The following ARL15 variants were observed in gnomAD, a reference collection of about 807,000 sequenced individuals.
The protein encoded by ARL15 is ADP-ribosylation factor-like protein 15.
ARL15 carries 19 observed loss-of-function variants against 25.2 expected under a neutral mutation model. That is an observed-to-expected ratio of 0.75 (90% CI 0.53 to 1.10). The LOEUF is 1.10. Ranked by LOEUF, ARL15 falls within the 50% of genes least tolerant of loss-of-function variation. The pLI is 0.00. For synonymous variants in ARL15, 94 were observed against 86.8 expected, an observed-to-expected ratio of 1.08 and a Z score of -0.46; for missense variants, 220 against 246.0, an observed-to-expected ratio of 0.89 and a Z score of 0.71.
At chr5:53,932,344 C>A (rs956800929) in intron 4 of ARL15, among the ~76,000 whole-genome samples, 2 of 152,150 alleles carry the variant, frequency 1.3e-5, no homozygotes, top group Non-Finnish European at 2.9e-5. Flanking sequence ...GGAGTGTAAA[C>A]CAAACGGAAC....
At chr5:53,919,216 T>C (rs1745763355) in intron 4 of ARL15, among the ~76,000 whole-genome samples, 1 of 152,220 alleles carries the variant, frequency 6.6e-6, no homozygotes, top group Non-Finnish European at 1.5e-5. Context: ...ATCGTAAGTC[T>C]ACGAGGTGTG....
intron 1 of ARL15, among the ~76,000 whole-genome samples, chr5:54,172,701 T>C (rs1020482728): frequency 5.9e-5 from 9 of 152,184 alleles, no homozygotes; most frequent in African/African-American, 1.9e-4. Flanking sequence ...AAAGCCAACA[T>C]GGCAAAATGT....
intron 1 of ARL15, among the ~76,000 whole-genome samples, chr5:54,180,855 T>G (rs1755035235): frequency 6.6e-6 from 1 of 152,200 alleles, no homozygotes; most frequent in African/African-American, 2.4e-5. Context: ...AGCAGGGGAT[T>G]TCATGCTTAG....
At chr5:54,079,967 TCACACACACA>T (rs58908566) in intron 4 of ARL15, among the ~76,000 whole-genome samples, 7,754 of 124,346 alleles carry the variant, frequency 0.062, 349 homozygotes, top group African/African-American at 0.12. Flanking sequence ...TGAGACTCCG[TCACACACACA>T]CACACACACA....
chr5:53,930,858 G>T (rs1746176574), intron 4 of ARL15, among the ~76,000 whole-genome samples: 1 of 152,198 alleles, frequency 6.6e-6, no homozygotes, highest in African/African-American at 2.4e-5. Flanking sequence ...TGAAATAGAA[G>T]TAGTTTAGCT....
Position 53,960,607 on chromosome 5 carries a change from T to C in ARL15, c.463-73894A>G, listed in dbSNP as rs142480343. ...TGCTGAGTAAAGAGACGTCAAGATG[T>C]TTTGTAAAATAGGTGCCCAAGTTGC... On this transcript the variant is annotated intron_variant, in intron 4 of 4. Coordinates refer to ENST00000504924, the MANE Select transcript of ARL15 (RefSeq NM_019087.3). Among the ~76,000 whole-genome samples, 679 of 152,298 alleles carry C rather than the reference T, an allele frequency of 4.5e-3. 6 individuals are homozygous for C. The highest frequency in any genetic ancestry group is 0.014 in the African/African-American group (567 of 41,564).
intron 4 of ARL15, among the ~76,000 whole-genome samples, chr5:54,099,123 AC>A (rs777292437): frequency 1.3e-5 from 2 of 152,168 alleles, no homozygotes; most frequent in Non-Finnish European, 2.9e-5. Context: ...GTAGGCCTAT[AC>A]CTTGTTTAAT....
At chr5:54,055,154 G>A (rs1750828908) in intron 4 of ARL15, among the ~76,000 whole-genome samples, 1 of 151,868 alleles carries the variant, frequency 6.6e-6, no homozygotes, top group Non-Finnish European at 1.5e-5. Flanking sequence ...CCCATTTCTT[G>A]CCAATCCCTA....
At chr5:54,052,263 T>C (rs1468964080) in intron 4 of ARL15, among the ~76,000 whole-genome samples, 1 of 152,038 alleles carries the variant, frequency 6.6e-6, no homozygotes. Context: ...AACGAATAAA[T>C]CTCAATGTAT....
intron 4 of ARL15, among the ~76,000 whole-genome samples, chr5:53,947,173 T>G (rs1367039455): frequency 1.2e-4 from 7 of 58,654 alleles, no homozygotes; most frequent in Admixed American, 6.2e-4. Context: ...TAAGGGTGTG[T>G]GTGTGTGTGT....
chr5:53,910,636 TATATATATATATATATATATA>T lies in ARL15; in HGVS notation c.463-23944_463-23924del, dbSNP rs1745424723. ...CTTAAAGTATAATAAAAAAAAATTA[TATATATATATATATATATATA>T]TATATATATATATATAAAGAAAACG... On this transcript the variant is annotated intron_variant, in intron 4 of 4. Coordinates refer to ENST00000504924, the MANE Select transcript of ARL15 (RefSeq NM_019087.3). 1.0e-3 allele frequency among the ~76,000 whole-genome samples: 112 copies of T among 109,270 alleles called. 7 individuals carry two copies. Among genetic ancestry groups the T allele is most frequent in the African/African-American group, 3.5e-3 (98 of 28,034 alleles). The allele number at this position is 109,270 out of a possible 152,430, so 71.7% of individuals were successfully genotyped here.
intron 4 of ARL15, among the ~76,000 whole-genome samples, chr5:53,942,484 A>G (rs1746569316): frequency 6.6e-6 from 1 of 152,212 alleles, no homozygotes; most frequent in Admixed American, 6.5e-5. Context: ...GCGGTGGCTC[A>G]TGCCTGTAAT....
chr5:53,990,709 A>T (rs1009018400), intron 4 of ARL15, among the ~76,000 whole-genome samples: 5 of 152,236 alleles, frequency 3.3e-5, no homozygotes, highest in African/African-American at 9.6e-5. Context: ...AAAGCTGGGT[A>T]CAAATAGAAT....
At chr5:54,110,868 A>C (rs1752719298) in intron 4 of ARL15, among the ~76,000 whole-genome samples, 1 of 152,072 alleles carries the variant, frequency 6.6e-6, no homozygotes, top group African/African-American at 2.4e-5. Flanking sequence ...TTTTATGCCA[A>C]CAATAAGGTA....
At chr5:54,117,049 A>T (rs1478227353) in intron 3 of ARL15, among the ~76,000 whole-genome samples, 1 of 152,226 alleles carries the variant, frequency 6.6e-6, no homozygotes. Context: ...CCATCCATAC[A>T]AGTCTCTGAG....
chr5:54,164,044 G>A lies in ARL15; in HGVS notation c.193+7740C>T, dbSNP rs142233305. The stretch of plus-strand genomic sequence containing the variant: ...TGGTATAAACTTTTCTTAAAGTCCC[G>A]TTTTATAGGCACCACAAATTCTAAT... On this transcript the variant is annotated intron_variant, in intron 2 of 4. Coordinates refer to ENST00000504924, the MANE Select transcript of ARL15 (RefSeq NM_019087.3). Among the ~76,000 whole-genome samples, 446 of 151,938 alleles carry A rather than the reference G, an allele frequency of 2.9e-3. 2 individuals are homozygous for A. The highest frequency in any genetic ancestry group is 0.01 in the African/African-American group (432 of 41,488).
chr5:53,939,797 A>C (rs1024783081), intron 4 of ARL15, among the ~76,000 whole-genome samples: 6 of 152,154 alleles, frequency 3.9e-5, no homozygotes, highest in Non-Finnish European at 8.8e-5. Flanking sequence ...ATCACTCACT[A>C]TTCCAATGTT....
intron 4 of ARL15, among the ~76,000 whole-genome samples, chr5:54,094,695 T>A (rs561002952): frequency 4.9e-4 from 74 of 152,308 alleles, no homozygotes; most frequent in African/African-American, 1.7e-3. Context: ...AACTACCCAC[T>A]TGGAATGCTG....
chr5:54,018,672 T>G (rs1354058862), intron 4 of ARL15, among the ~76,000 whole-genome samples: 1 of 152,190 alleles, frequency 6.6e-6, no homozygotes, highest in Non-Finnish European at 1.5e-5. Context: ...TGATTTTTTT[T>G]GTCTTAGTTT....
Sources: gnomAD v4.1 joint callset for allele counts (sites outside exome capture counted in the v4.1 genomes callset) on GRCh38, gnomAD v4.1.1 for gene constraint, MANE v1.5 for transcripts, NCBI Gene and HGNC (gene_info 2026-07-23, HGNC 2026-07-21) for gene names.